Variants in CCDC88C observed in about 807,000 individuals in gnomAD.
The protein encoded by CCDC88C is coiled-coil and HOOK domain protein 88C.
Under a neutral mutation model 198.8 loss-of-function variants are expected in CCDC88C, and 131 were observed. The ratio of observed to expected loss-of-function variants is 0.66; its 90% CI spans 0.57 to 0.76. CCDC88C has a LOEUF of 0.76. Ranked by LOEUF, CCDC88C falls within the 30% of genes least tolerant of loss-of-function variation. CCDC88C has a pLI of 0.00. For synonymous variants in CCDC88C, 1,166 were observed against 1,114.7 expected (o/e 1.05, Z -0.92); for missense variants, 2,553 against 2,631.6 (o/e 0.97, Z 0.65).
chr14:91,400,390 C>G (rs1417927774), intron 3 of CCDC88C, among the ~76,000 whole-genome samples: 1 of 152,232 alleles, frequency 6.6e-6, no homozygotes, highest in Admixed American at 6.5e-5. Context: ...CTGGAGGGTT[C>G]GCTCTTGAAT....
intron 3 of CCDC88C, chr14:91,384,647 C>T (rs1430489112): frequency 2.6e-6 from 1 of 383,006 alleles, no homozygotes. Context: ...GAAAGGGTGG[C>T]CAGCCTACCC....
rs1374188984 is a variant in CCDC88C, at chr14:91,273,141, G to A, written c.5571C>T (p.Ala1857=). The A allele has an allele frequency of 6.3e-7, 1 of 1,579,864 alleles. No individual in the cohort carries two copies. The highest frequency in any genetic ancestry group is 1.3e-5 in the African/African-American group (1 of 74,410). Residue 1857 remains alanine (A), a synonymous_variant, in exon 30 of 30, where the codon GCC becomes GCT. Transcript: ENST00000389857. This position sits in a 1 kb window ranked among gnomAD's most constrained non-coding sequence, Gnocchi z 5.6. ...TTCCCACAAGTGGGGTCCGCTCCCG[G>A]GCCAGGCTATGGGAGCTGGGGGGTG... The part of the protein sequence containing the change: ...SPAPPSSHSL[A]RERTPLVGKA...
chr14:91,288,990 A>G lies in CCDC88C; in HGVS notation c.4441+115T>C. ...TCGTAACACATCTAAGCGAAGGCGC[A>G]CATGCAGTCACCCACCCCTGGCACG... On this transcript the variant is annotated intron_variant, in intron 25 of 29. Transcript: ENST00000389857. This position sits in a 1 kb window ranked among gnomAD's most constrained non-coding sequence, Gnocchi z 4.2. The G allele has an allele frequency of 2.6e-6, 2 of 783,626 alleles. No individual in the cohort carries two copies. The highest frequency in any genetic ancestry group is 3.0e-5 in the South Asian group (2 of 66,902). 48.5% of individuals were successfully genotyped at this position (783,626 alleles called of 1,614,324 possible).
chr14:91,321,396 TC>T, intron 12 of CCDC88C, 92 bp from the exon 13 acceptor site: 2 of 1,367,450 alleles, frequency 1.5e-6, no homozygotes, highest in Non-Finnish European at 2.0e-6. Context: ...AGTCCCGGAG[TC>T]CAGGGTCTAA....
At chr14:91,379,487 C>A in intron 3 of CCDC88C, 1 of 327,838 alleles carries the variant, frequency 3.1e-6, no homozygotes, top group East Asian at 7.0e-5. Flanking sequence ...CCACCCGGGG[C>A]AGCTAGGAAC....
At chr14:91,374,675 G>A (rs542211571) in intron 3 of CCDC88C, among the ~76,000 whole-genome samples, 53 of 152,338 alleles carry the variant, frequency 3.5e-4, no homozygotes, top group African/African-American at 1.3e-3. Context: ...TGGCCCAACC[G>A]ACCTTTGAGG....
intron 20 of CCDC88C, among the ~76,000 whole-genome samples, chr14:91,300,721 C>T (rs1364390153): frequency 6.6e-6 from 1 of 152,190 alleles, no homozygotes; most frequent in Non-Finnish European, 1.5e-5. Context: ...CTAATCTTCT[C>T]CAGGCTCTAA....
Position 91,339,296 on chromosome 14 carries a change from C to T in CCDC88C, c.791G>A (p.Arg264Gln), listed in dbSNP as rs778585797. The change falls in exon 8 of 30, where the codon CGG becomes CAG. Residue 264 changes from arginine (R) to glutamine (Q), a missense_variant. Arg to Gln is a conservative substitution (Grantham distance 43). Coordinates refer to ENST00000389857, the MANE Select transcript of CCDC88C (RefSeq NM_001080414.4). This position sits in a 1 kb window ranked among gnomAD's most constrained non-coding sequence, Gnocchi z 5.8. ...GACTCACAGCTCCTGCCTGACGCGC[C>T]GCAGCCTGGCCTTGGTGTCGGCCAG... ...VELADTKARL[R>Q]RVRQELEDKT... 42 of 1,612,914 alleles carry T rather than the reference C, an allele frequency of 2.6e-5. No individual in the cohort carries two copies. Among genetic ancestry groups the T allele is most frequent in the Non-Finnish European group, 3.3e-5 (39 of 1,179,854 alleles).
In CCDC88C at chr14:91,293,528, A is replaced by ACAGCCCACCTTCCTGCCCCCTCG. The variant is rs1890835852; in HGVS notation, c.4112+644_4112+645insCGAGGGGGCAGGAAGGTGGGCTG. On this transcript the variant is annotated intron_variant, in intron 23 of 29. Coordinates refer to ENST00000389857, the MANE Select transcript of CCDC88C (RefSeq NM_001080414.4). ...CCACGGCCTACCTTCCTGTCCCCTC[A>ACAGCCCACCTTCCTGCCCCCTCG]CCTGCCACGGCCCACCTTCCTGTCC... 6.4e-4 allele frequency among the ~76,000 whole-genome samples: 3 copies of ACAGCCCACCTTCCTGCCCCCTCG among 4,654 alleles called. 1 individual carries two copies. Among genetic ancestry groups the ACAGCCCACCTTCCTGCCCCCTCG allele is most frequent in the Admixed American group, 2.2e-3 (1 of 446 alleles). 3.1% of individuals were successfully genotyped at this position (4,654 alleles called of 152,430 possible).
intron 26 of CCDC88C, 26 bp from the exon 27 acceptor site, chr14:91,281,551 T>C (rs1890199909): frequency 1.2e-6 from 2 of 1,608,128 alleles, no homozygotes; most frequent in Non-Finnish European, 1.7e-6. Context: ...GGCTAGTGAG[T>C]CATGGTTACG....
At position 91,339,471 on chromosome 14, in the gene CCDC88C, G is replaced by T; in HGVS notation, c.625-9C>A. The T allele has an allele frequency of 4.4e-6, 7 of 1,598,770 alleles. No individual in the cohort carries two copies. Among genetic ancestry groups the T allele is most frequent in the Non-Finnish European group, 6.0e-6 (7 of 1,168,964 alleles). ...GTGAGGTCCACGATCAGCTGCAGCC[G>T]GGCAGAGAGGGGGATGGAGGAGAAC... is the stretch of plus-strand genomic sequence containing the variant. On this transcript the variant is annotated splice_polypyrimidine_tract_variant and intron_variant, in intron 7 of 29. Coordinates refer to ENST00000389857, the MANE Select transcript of CCDC88C (RefSeq NM_001080414.4). The surrounding 1 kb of genome is among the most constrained non-coding windows in gnomAD (Gnocchi z 5.8).
rs373594984 is a variant in CCDC88C, at chr14:91,272,784, C to T, written c.5928G>A (p.Gly1976=). ...DGVPGQGCSE[G]LPAKSPGRSP... ...ACCGACCTGGGCTCTTGGCCGGAAG[C>T]CCCTCACTGCAGCCCTGCCCCGGGA... Residue 1976 remains glycine, a synonymous_variant, in exon 30 of 30, where the codon GGG becomes GGA. Transcript: ENST00000389857. The T allele has an allele frequency of 7.5e-6, 12 of 1,605,042 alleles. No individual in the cohort carries two copies. The highest frequency in any genetic ancestry group is 1.3e-5 in the African/African-American group (1 of 74,872).
At chr14:91,369,562 C>T (rs1261766737) in intron 3 of CCDC88C, among the ~76,000 whole-genome samples, 1 of 152,024 alleles carries the variant, frequency 6.6e-6, no homozygotes, top group African/African-American at 2.4e-5. Flanking sequence ...TGGAACATAG[C>T]ACATTTTCTA....
chr14:91,388,350 C>T (rs751268184), intron 3 of CCDC88C, among the ~76,000 whole-genome samples: 24 of 152,236 alleles, frequency 1.6e-4, no homozygotes, highest in Non-Finnish European at 2.6e-4. Context: ...AATGAGGGGA[C>T]TGGGCCTCGT....
chr14:91,370,401 AC>A, intron 3 of CCDC88C, among the ~76,000 whole-genome samples: 2 of 152,314 alleles, frequency 1.3e-5, no homozygotes, highest in Non-Finnish European at 2.9e-5. Context: ...CAGGGAGGGA[AC>A]CAGAGGATGT....
chr14:91,320,845 A>G (rs11628976), intron 13 of CCDC88C, among the ~76,000 whole-genome samples: 11,733 of 152,246 alleles, frequency 0.077, 583 homozygotes, highest in African/African-American at 0.14. Flanking sequence ...CCATTTCACA[A>G]ATGAAGACAA....
intron 3 of CCDC88C, among the ~76,000 whole-genome samples, chr14:91,401,855 C>T (rs1886223654): frequency 6.6e-6 from 1 of 152,328 alleles, no homozygotes; most frequent in South Asian, 2.1e-4. Context: ...TCCCTTGAAT[C>T]CTGTCCCTGC....
intron 10 of CCDC88C, among the ~76,000 whole-genome samples, chr14:91,336,911 G>A (rs1198557368): frequency 6.6e-6 from 1 of 152,228 alleles, no homozygotes; most frequent in African/African-American, 2.4e-5. Context: ...GCAGGGAGAG[G>A]GCAATACGGT....
intron 15 of CCDC88C, among the ~76,000 whole-genome samples, chr14:91,311,657 T>C (rs1014944558): frequency 1.3e-5 from 2 of 152,188 alleles, no homozygotes; most frequent in African/African-American, 4.8e-5. Context: ...AGATAAACGG[T>C]GCTGGGCCAC....
Sources: gnomAD v4.1 joint callset for allele counts (sites outside exome capture counted in the v4.1 genomes callset) on GRCh38, gnomAD v4.1.1 for gene constraint, Gnocchi (gnomAD v3.1) non-coding constraint, MANE v1.5 for transcripts, NCBI Gene and HGNC (gene_info 2026-07-23, HGNC 2026-07-21) for gene names.